Variants in CAST observed in about 807,000 individuals in gnomAD.
The protein encoded by CAST is MIR583 host.
CAST carries 76 observed loss-of-function variants against 119.6 expected under a neutral mutation model. The ratio of observed to expected loss-of-function variants is 0.64; its 90% CI spans 0.53 to 0.77. The LOEUF (loss-of-function observed/expected upper bound fraction) is 0.77, where lower values mean the gene tolerates loss of function less well. CAST is among the 30% of genes least tolerant of loss of function. CAST has a pLI of 0.00. For synonymous variants in CAST, 319 were observed against 331.6 expected (o/e 0.96, Z 0.41); for missense variants, 953 against 946.5 (o/e 1.01, Z -0.09).
intron 1 of CAST, among the ~76,000 whole-genome samples, chr5:96,577,736 C>A (rs533470318): frequency 6.6e-6 from 1 of 152,182 alleles, no homozygotes; most frequent in South Asian, 2.1e-4. Context: ...TATCAACATA[C>A]TCTGTATGAT....
chr5:96,332,866 T>G, the CAST span, among the ~76,000 whole-genome samples: 2 of 152,128 alleles, frequency 1.3e-5, no homozygotes, highest in Non-Finnish European at 2.9e-5. Context: ...CCCAGCCCTG[T>G]TTTTCCCTCC....
the CAST span, among the ~76,000 whole-genome samples, chr5:96,011,126 T>G: frequency 0.01 from 1,544 of 152,316 alleles, 35 homozygotes; most frequent in African/African-American, 0.036. Context: ...TGGCAAAGAC[T>G]TCCAGGTGAT....
chr5:96,614,693 C>T (rs1747422162), intron 1 of CAST, among the ~76,000 whole-genome samples: 1 of 152,058 alleles, frequency 6.6e-6, no homozygotes, highest in African/African-American at 2.4e-5. Context: ...AGCCTAGGCC[C>T]AGCCTCTCCC....
At chr5:96,208,564 TG>T in the CAST span, among the ~76,000 whole-genome samples, 2 of 152,066 alleles carry the variant, frequency 1.3e-5, no homozygotes, top group Admixed American at 1.3e-4. Flanking sequence ...TCCTGATTTT[TG>T]CTTTAATTTC....
the CAST span, among the ~76,000 whole-genome samples, chr5:96,016,626 GTAT>G: frequency 1.3e-5 from 2 of 152,024 alleles, no homozygotes; most frequent in Non-Finnish European, 2.9e-5. Context: ...TTATGTGCTA[GTAT>G]TATTTTATCT....
chr5:96,156,362 G>C, the CAST span, among the ~76,000 whole-genome samples: 7 of 152,304 alleles, frequency 4.6e-5, no homozygotes, highest in African/African-American at 1.7e-4. Flanking sequence ...TGTATCTGTA[G>C]TAGGGTTTTT....
the CAST span, among the ~76,000 whole-genome samples, chr5:96,243,966 A>C: frequency 6.6e-6 from 1 of 152,210 alleles, no homozygotes; most frequent in African/African-American, 2.4e-5. Flanking sequence ...TAACATGCAA[A>C]GTATTTAGAA....
chr5:96,236,665 C>T, the CAST span, among the ~76,000 whole-genome samples: 29,903 of 152,166 alleles, frequency 0.2, 3,696 homozygotes, highest in Non-Finnish European at 0.26. Context: ...TAATCTACTC[C>T]TGGCCCTGTG....
chr5:96,508,895 C>T, the CAST span, among the ~76,000 whole-genome samples: 7 of 152,136 alleles, frequency 4.6e-5, no homozygotes, highest in Admixed American at 4.6e-4. Flanking sequence ...ATCATGTGAC[C>T]TGAAGTAAGT....
the CAST span, among the ~76,000 whole-genome samples, chr5:96,222,896 G>C: frequency 1.3e-5 from 2 of 152,082 alleles, no homozygotes; most frequent in African/African-American, 2.4e-5. Flanking sequence ...AGAGTACATG[G>C]TATATATACA....
At chr5:96,495,415 T>C in the CAST span, among the ~76,000 whole-genome samples, 4 of 152,206 alleles carry the variant, frequency 2.6e-5, no homozygotes, top group Admixed American at 6.5e-5. Flanking sequence ...CTCTCCCTCC[T>C]CTTTCCCTCC....
At chr5:96,076,488 C>G in the CAST span, among the ~76,000 whole-genome samples, 1 of 152,110 alleles carries the variant, frequency 6.6e-6, no homozygotes, top group Non-Finnish European at 1.5e-5. Context: ...CCTGGACTCC[C>G]AAATCCTTCT....
the CAST span, among the ~76,000 whole-genome samples, chr5:96,295,405 G>A: frequency 6.6e-6 from 1 of 152,110 alleles, no homozygotes; most frequent in African/African-American, 2.4e-5. Flanking sequence ...TTATGCCCTG[G>A]GCATGACACA....
At chr5:96,607,145 G>A (rs144218680) in intron 1 of CAST, among the ~76,000 whole-genome samples, 3,403 of 152,148 alleles carry the variant, frequency 0.022, 133 homozygotes, top group African/African-American at 0.07. Flanking sequence ...AAAATTAGCC[G>A]GGCGTGGTGG....
At chr5:96,507,990 CATTATTATTATTATTATTATT>C in the CAST span, among the ~76,000 whole-genome samples, 3 of 142,274 alleles carry the variant, frequency 2.1e-5, no homozygotes, top group Admixed American at 7.2e-5. Context: ...ATATCCCTGA[CATTATTATTATTATTATTATT>C]ATTATTATTA....
intron 1 of CAST, among the ~76,000 whole-genome samples, chr5:96,579,011 T>C (rs1005223932): frequency 1.1e-4 from 17 of 152,130 alleles, no homozygotes; most frequent in African/African-American, 3.9e-4. Flanking sequence ...TTGAAGAAAG[T>C]GGAAGGGGTT....
At chr5:96,481,716 T>C in the CAST span, among the ~76,000 whole-genome samples, 1 of 152,170 alleles carries the variant, frequency 6.6e-6, no homozygotes, top group Non-Finnish European at 1.5e-5. Flanking sequence ...GGGAAATAAG[T>C]GGGAAAATGC....
the CAST span, among the ~76,000 whole-genome samples, chr5:96,196,750 G>A: frequency 2.6e-5 from 4 of 152,182 alleles, no homozygotes; most frequent in East Asian, 1.9e-4. Context: ...TGCAGGTCAC[G>A]GTAGAAATTT....
At chr5:96,399,984 A>G in the CAST span, 1 of 1,614,004 alleles carries the variant, frequency 6.2e-7, no homozygotes, top group Non-Finnish European at 8.5e-7. Context: ...TTTACAACAC[A>G]CTCTTTCTTC....
Sources: gnomAD v4.1 joint callset for allele counts (sites outside exome capture counted in the v4.1 genomes callset) on GRCh38, gnomAD v4.1.1 for gene constraint, MANE v1.5 for transcripts, NCBI Gene and HGNC (gene_info 2026-07-23, HGNC 2026-07-21) for gene names.